CACNA1C: variants seen among roughly 807,000 people sequenced by gnomAD.
CACNA1C encodes calcium voltage-gated channel subunit alpha1 C, also known as voltage-dependent L-type calcium channel subunit alpha-1C.
Under a neutral mutation model 229.0 loss-of-function variants are expected in CACNA1C, and 30 were observed. The ratio of observed to expected loss-of-function variants is 0.13; its 90% CI spans 0.10 to 0.18. The LOEUF (loss-of-function observed/expected upper bound fraction) is 0.18, where lower values mean the gene tolerates loss of function less well. CACNA1C is among the 10% of genes least tolerant of loss of function. CACNA1C has a pLI of 1.00. For synonymous variants in CACNA1C, 1,114 were observed against 1,132.5 expected, an observed-to-expected ratio of 0.98 and a Z score of 0.33; for missense variants, 1,658 against 2,845.0, an observed-to-expected ratio of 0.58 and a Z score of 9.49.
Position 2,542,097 on chromosome 12 carries a change from A to G in CACNA1C, c.1391-7846A>G, listed in dbSNP as rs569666157. Among the ~76,000 whole-genome samples, 27 of 152,182 alleles carry G rather than the reference A, an allele frequency of 1.8e-4. 1 individual carries two copies. The South Asian group carries it at 5.2e-3, about 29-fold the overall frequency. On this transcript the variant is annotated intron_variant, in intron 9 of 46. Transcript: ENST00000399655. ...GCGGGCACCAAAGAGGATTTTGCTC[A>G]TTGTTTCCTTCGTGGATTTATTGCT...
upstream of CACNA1C, chr12:2,052,984 G>A (rs1165199028): frequency 1.2e-5 from 12 of 982,802 alleles, no homozygotes; most frequent in Non-Finnish European, 1.4e-5. Context: ...TCGCGCGCCC[G>A]GTGTCTCCCT....
chr12:2,002,008 CG>C (rs915135131), intron 1 of CACNA1C, among the ~76,000 whole-genome samples: 3 of 152,124 alleles, frequency 2.0e-5, no homozygotes, highest in Non-Finnish European at 4.4e-5. Context: ...ATTTTGGAGG[CG>C]GGGGGCAGTC....
At position 2,633,481 on chromosome 12, in the gene CACNA1C, C is replaced by T. The variant is rs1299328534; in HGVS notation, c.3829-816C>T. 9.1e-6 allele frequency: 6 copies of T among 662,702 alleles called. No homozygotes were observed. The East Asian group carries it at 1.7e-4, about 18-fold the overall frequency. 41.1% of individuals were successfully genotyped at this position (662,702 alleles called of 1,614,324 possible). ...CTGCTGCTCCTTCCTTGCTGGTGCT[C>T]CTGGGCTCCTGGCCATGGTGAGGGC... On this transcript the variant is annotated intron_variant, in intron 29 of 46. Transcript: ENST00000399655. This position sits in a 1 kb window ranked among gnomAD's most constrained non-coding sequence, Gnocchi z 5.8.
chr12:2,325,826 T>C (rs1193940669), intron 3 of CACNA1C, among the ~76,000 whole-genome samples: 1 of 152,236 alleles, frequency 6.6e-6, no homozygotes, highest in Non-Finnish European at 1.5e-5. Context: ...GGCCACGAGC[T>C]CTGCGGACAG....
chr12:2,301,677 G>A (rs1022254003), intron 3 of CACNA1C, among the ~76,000 whole-genome samples: 2 of 152,148 alleles, frequency 1.3e-5, no homozygotes, highest in Non-Finnish European at 2.9e-5. Flanking sequence ...TGTTCTGGGC[G>A]ACCTGTGACC....
intron 3 of CACNA1C, among the ~76,000 whole-genome samples, chr12:2,293,535 A>C (rs2093716157): frequency 6.6e-6 from 1 of 152,222 alleles, no homozygotes; most frequent in East Asian, 1.9e-4. Context: ...ACAAATGCAT[A>C]AACTTTCATA....
chr12:2,475,757 TG>T (rs2099623776), intron 5 of CACNA1C, among the ~76,000 whole-genome samples: 1 of 70,748 alleles, frequency 1.4e-5, no homozygotes, highest in South Asian at 4.4e-4. Flanking sequence ...ATTTATGAAA[TG>T]TTTTTTTCCT....
chr12:2,500,591 G>A (rs1198919072), intron 7 of CACNA1C, among the ~76,000 whole-genome samples: 11 of 152,190 alleles, frequency 7.2e-5, no homozygotes, highest in East Asian at 1.9e-4. Flanking sequence ...TGAGCACGTC[G>A]TGGCCTCCTG....
At chr12:2,004,214 C>T in intron 1 of CACNA1C, 1 of 1,591,922 alleles carries the variant, frequency 6.3e-7, no homozygotes, top group South Asian at 1.1e-5. Context: ...GTCCTCAAGT[C>T]CTGAGTCTGA....
chr12:2,067,465 TGTGTGTGTGTGTGTGTGC>T lies in CACNA1C; in HGVS notation c.49+13856_49+13873del, dbSNP rs1273987863. On this transcript the variant is annotated intron_variant, in intron 1 of 46. Transcript: ENST00000399655. This position sits in a 1 kb window ranked among gnomAD's most constrained non-coding sequence, Gnocchi z 5.3. ...TAGGATGCACGTGTGTGTGTGTGTG[TGTGTGTGTGTGTGTGTGC>T]GCGCGTGTGCGTGCCTGTATGTAAG... Among the ~76,000 whole-genome samples the T allele has an allele frequency of 8.4e-6, 1 of 118,546 alleles. No individual in the cohort carries two copies. The highest frequency in any genetic ancestry group is 2.9e-5 in the African/African-American group (1 of 34,992). 77.8% of individuals were successfully genotyped at this position (118,546 alleles called of 152,430 possible).
chr12:2,233,918 G>A (rs991996319), intron 3 of CACNA1C, among the ~76,000 whole-genome samples: 26 of 152,174 alleles, frequency 1.7e-4, no homozygotes, highest in African/African-American at 6.3e-4. Flanking sequence ...TCAGCTTCAA[G>A]GGGGTCGAAA....
chr12:2,348,840 G>A lies in CACNA1C; in HGVS notation c.478-100136G>A, dbSNP rs1033644516. 4.6e-5 allele frequency among the ~76,000 whole-genome samples: 7 copies of A among 152,094 alleles called. No homozygotes were observed. The highest frequency in any genetic ancestry group is 7.2e-5 in the African/African-American group (3 of 41,398). ...AGGGTGGGGCTGTTGGATGTTACCC[G>A]TCATGTCAGCATTCAGAGCCCGGCA... is the stretch of plus-strand genomic sequence containing the variant. On this transcript the variant is annotated intron_variant, in intron 3 of 46. Coordinates refer to ENST00000399655, the MANE Select transcript of CACNA1C (RefSeq NM_000719.7). The surrounding 1 kb of genome is among the most constrained non-coding windows in gnomAD (Gnocchi z 4.7).
At chr12:2,033,303 G>A (rs2048533924) in intron 1 of CACNA1C, among the ~76,000 whole-genome samples, 1 of 152,130 alleles carries the variant, frequency 6.6e-6, no homozygotes, top group South Asian at 2.1e-4. Context: ...GCAGGCTCAA[G>A]TCCGCCCATG....
chr12:2,331,970 A>C (rs2096562246), intron 3 of CACNA1C, among the ~76,000 whole-genome samples: 1 of 152,210 alleles, frequency 6.6e-6, no homozygotes, highest in Admixed American at 6.5e-5. Flanking sequence ...CCCTTTTATT[A>C]AATTTTTTTT....
chr12:2,202,773 GCT>G (rs941094275), intron 3 of CACNA1C, among the ~76,000 whole-genome samples: 68 of 152,308 alleles, frequency 4.5e-4, no homozygotes, highest in Middle Eastern at 6.8e-3. Context: ...CAACTTCTGA[GCT>G]CTGTTGTCCT....
chr12:2,309,725 G>A (rs192456550), intron 3 of CACNA1C, among the ~76,000 whole-genome samples: 2 of 152,274 alleles, frequency 1.3e-5, no homozygotes, highest in Non-Finnish European at 2.9e-5. Flanking sequence ...ATTAAGCATC[G>A]CCTTGCAGGG....
intron 5 of CACNA1C, among the ~76,000 whole-genome samples, chr12:2,469,741 T>C (rs1054650165): frequency 4.6e-5 from 7 of 152,178 alleles, no homozygotes; most frequent in African/African-American, 1.7e-4. Context: ...GACCATATAG[T>C]CCTACTAATA....
intron 3 of CACNA1C, among the ~76,000 whole-genome samples, chr12:2,315,325 C>G (rs1029538185): frequency 6.6e-6 from 1 of 152,220 alleles, no homozygotes; most frequent in Non-Finnish European, 1.5e-5. Context: ...TTTGTGCCAA[C>G]AATCTGGGCA....
At chr12:2,118,741 C>A (rs1459639902) in intron 2 of CACNA1C, among the ~76,000 whole-genome samples, 1 of 152,188 alleles carries the variant, frequency 6.6e-6, no homozygotes, top group Non-Finnish European at 1.5e-5. Flanking sequence ...ACTTGTGCCT[C>A]ATCCAACACA....
Sources: allele counts gnomAD v4.1 joint callset (sites outside exome capture counted in the v4.1 genomes callset), GRCh38; gene constraint gnomAD v4.1.1; non-coding constraint Gnocchi (gnomAD v3.1); transcripts MANE v1.5; gene names NCBI Gene and HGNC (gene_info 2026-07-23, HGNC 2026-07-21).